The following F11R variants were observed in gnomAD, a reference collection of about 807,000 sequenced individuals.
F11R encodes the protein junctional adhesion molecule A.
F11R carries 27 observed loss-of-function variants against 39.3 expected under a neutral mutation model. That is an observed-to-expected ratio of 0.69 (90% confidence interval 0.51 to 0.95). The LOEUF (loss-of-function observed/expected upper bound fraction) is 0.95, where lower values mean the gene tolerates loss of function less well. F11R is among the 40% of genes least tolerant of loss of function. F11R has a pLI of 0.00. For missense variants in F11R, 335 were observed against 372.7 expected (o/e 0.90, Z 0.83); for synonymous variants, 131 against 144.9 (o/e 0.90, Z 0.69).
At chr1:160,999,266 A>G in intron 8 of F11R, 130 bp downstream of exon 8, 1 of 1,448,470 alleles carries the variant, frequency 6.9e-7, no homozygotes, top group Non-Finnish European at 9.7e-7. Context: ...AAAGGGCTGG[A>G]TATCCAAATG....
rs1165340609 is a variant in F11R, at chr1:161,001,169, C to A, written c.134-42G>T. 5.6e-6 allele frequency: 9 copies of A among 1,602,498 alleles called. No individual in the cohort carries two copies. In the African/African-American group the frequency reaches 1.2e-4, roughly 21 times the overall value. The stretch of plus-strand genomic sequence containing the variant: ...AATGAGCCGAAGGAAGAAGCAGCAG[C>A]AAATACACGAGATGGGGAACAGCCC... On this transcript the variant is annotated intron_variant, in intron 2 of 9. Coordinates refer to ENST00000368026, the MANE Select transcript of F11R (RefSeq NM_016946.6).
chr1:161,006,294 C>A (rs1708266601), intron 1 of F11R, among the ~76,000 whole-genome samples: 1 of 152,126 alleles, frequency 6.6e-6, no homozygotes, highest in African/African-American at 2.4e-5. Context: ...ATCCCAAGTG[C>A]ACTCCCTAAT....
intron 1 of F11R, among the ~76,000 whole-genome samples, chr1:161,013,774 G>A (rs1162229117): frequency 2.0e-5 from 3 of 152,096 alleles, no homozygotes; most frequent in Non-Finnish European, 4.4e-5. Context: ...AGACAGGCTC[G>A]CTTTCACTCC....
At chr1:161,015,292 G>A (rs997483952) in intron 1 of F11R, among the ~76,000 whole-genome samples, 1 of 150,220 alleles carries the variant, frequency 6.7e-6, no homozygotes, top group Non-Finnish European at 1.5e-5. Flanking sequence ...CAGCTACTCG[G>A]GAGGCTGAGG....
At chr1:161,014,584 TGCCTATA>T (rs1204278720) in intron 1 of F11R, among the ~76,000 whole-genome samples, 1 of 152,178 alleles carries the variant, frequency 6.6e-6, no homozygotes, top group African/African-American at 2.4e-5. Context: ...CACTCACACT[TGCCTATA>T]GCCTCAGCTA....
chr1:161,004,017 G>A (rs912950513), intron 1 of F11R, among the ~76,000 whole-genome samples: 1 of 152,032 alleles, frequency 6.6e-6, no homozygotes, highest in Non-Finnish European at 1.5e-5. Flanking sequence ...ACCCGCCCTG[G>A]CCTCCCAAAA....
chr1:161,018,388 C>T (rs1557896453), intron 1 of F11R, among the ~76,000 whole-genome samples: 1 of 152,208 alleles, frequency 6.6e-6, no homozygotes, highest in Non-Finnish European at 1.5e-5. Context: ...ACAAGCTAGA[C>T]ACCCAAGAAA....
chr1:161,012,823 C>T (rs1649246101), intron 1 of F11R, among the ~76,000 whole-genome samples: 1 of 151,924 alleles, frequency 6.6e-6, no homozygotes, highest in African/African-American at 2.4e-5. Context: ...CAGGGTTTCA[C>T]CATGTTGGCC....
chr1:161,008,410 T>G (rs1367393729), intron 1 of F11R, among the ~76,000 whole-genome samples: 1 of 151,712 alleles, frequency 6.6e-6, no homozygotes, highest in Non-Finnish European at 1.5e-5. Flanking sequence ...GCTGAAGCAG[T>G]AGAATGGCGT....
chr1:161,000,036 T>A (rs1000979144), intron 5 of F11R, 58 bp from the exon 6 acceptor site: 170 of 1,601,814 alleles, frequency 1.1e-4, no homozygotes, highest in Non-Finnish European at 2.3e-5. Flanking sequence ...CATTTTTTAA[T>A]GTCTCTTGAC....
chr1:161,007,886 C>T (rs1468880896), intron 1 of F11R, among the ~76,000 whole-genome samples: 2 of 152,186 alleles, frequency 1.3e-5, no homozygotes, highest in African/African-American at 4.8e-5. Context: ...ACCAGCAGAG[C>T]TAGGAACTTG....
At chr1:161,005,458 G>T (rs887980283) in intron 1 of F11R, among the ~76,000 whole-genome samples, 8 of 151,818 alleles carry the variant, frequency 5.3e-5, no homozygotes, top group Admixed American at 6.6e-5. Context: ...ACAGGCCTCT[G>T]TCTCCCGGGT....
At position 161,001,036 on chromosome 1, in the gene F11R, A is replaced by G; in HGVS notation, c.225T>C (p.Tyr75=). 6.2e-7 allele frequency: 1 copy of G among 1,614,092 alleles called. No individual in the cohort carries two copies. Among genetic ancestry groups the G allele is most frequent in the Non-Finnish European group, 8.5e-7 (1 of 1,179,924 alleles). ...DQGDTTRLVC[Y]NNKITASYED... ...GCAACTCACCTGTGATCTTGTTATTATAGCAAACGAGTCTGGTGGTGTCTC... is the reference window on the plus strand; with the variant it reads ...GCAACTCACCTGTGATCTTGTTATTGTAGCAAACGAGTCTGGTGGTGTCTC... Residue 75 remains tyrosine (Y), a synonymous_variant, in exon 3 of 10, where the codon TAT becomes TAC. Transcript: ENST00000368026.
intron 1 of F11R, among the ~76,000 whole-genome samples, chr1:161,011,543 A>C (rs1273187373): frequency 6.6e-6 from 1 of 152,060 alleles, no homozygotes. Flanking sequence ...AGCCTGGCCA[A>C]GATGGTGAAA....
intron 1 of F11R, among the ~76,000 whole-genome samples, chr1:161,007,249 T>A (rs1181495765): frequency 1.3e-5 from 2 of 150,784 alleles, no homozygotes; most frequent in African/African-American, 4.9e-5. Context: ...GCAGATCACC[T>A]GAGGTGGGGA....
At chr1:161,004,421 G>C (rs984308542) in intron 1 of F11R, among the ~76,000 whole-genome samples, 1 of 152,024 alleles carries the variant, frequency 6.6e-6, no homozygotes, top group African/African-American at 2.4e-5. Flanking sequence ...TTAGCCAGGC[G>C]TGGTGGCGCG....
At chr1:161,003,984 G>A (rs1422290707) in intron 1 of F11R, among the ~76,000 whole-genome samples, 9 of 151,650 alleles carry the variant, frequency 5.9e-5, no homozygotes, top group African/African-American at 1.2e-4. Flanking sequence ...GGCTGGTCTC[G>A]AACTCCTGAT....
At chr1:161,008,162 T>C (rs1648930971) in intron 1 of F11R, among the ~76,000 whole-genome samples, 1 of 140,678 alleles carries the variant, frequency 7.1e-6, no homozygotes, top group South Asian at 2.2e-4. Flanking sequence ...AAGGCATCAA[T>C]AGATTTTGGC....
Position 161,021,099 on chromosome 1 carries a change from C to T in F11R, c.-26G>A. The T allele has an allele frequency of 1.2e-5, 20 of 1,604,048 alleles. No homozygotes were observed. Among genetic ancestry groups the T allele is most frequent in the Non-Finnish European group, 1.6e-5 (19 of 1,171,690 alleles). On this transcript the variant is annotated 5_prime_UTR_variant, in exon 1 of 10. Transcript: ENST00000368026. ...CGCGATCAGGCTCCCGACACAACAG[C>T]CGCCGAAGGACTCCTGGGAACAGAC...
Sources: allele counts gnomAD v4.1 joint callset (sites outside exome capture counted in the v4.1 genomes callset), GRCh38; gene constraint gnomAD v4.1.1; transcripts MANE v1.5; gene names NCBI Gene and HGNC (gene_info 2026-07-23, HGNC 2026-07-21).